Variants in CCNT2 observed in about 807,000 individuals in gnomAD.
CCNT2 encodes cyclin-T2.
CCNT2 carries 18 observed loss-of-function variants against 70.0 expected under a neutral mutation model. The observed-to-expected ratio is 0.26, with a 90% CI of 0.18 to 0.38. The LOEUF is 0.38. Among genes scored for constraint, CCNT2 ranks in the 10% least tolerant of loss-of-function variants. CCNT2 has a pLI of 1.00. For synonymous variants in CCNT2, 334 were observed against 313.3 expected, an observed-to-expected ratio of 1.07 and a Z score of -0.70; for missense variants, 734 against 890.2, an observed-to-expected ratio of 0.82 and a Z score of 2.23.
intron 2 of CCNT2, among the ~76,000 whole-genome samples, chr2:134,921,967 T>G (rs1397497711): frequency 6.6e-6 from 1 of 152,232 alleles, no homozygotes; most frequent in Admixed American, 6.5e-5. Context: ...TGTTGTCTTT[T>G]TTTACCTTTG....
At chr2:134,927,747 AACAT>A (rs1322670852) in intron 2 of CCNT2, among the ~76,000 whole-genome samples, 1 of 152,200 alleles carries the variant, frequency 6.6e-6, no homozygotes, top group Admixed American at 6.5e-5. Flanking sequence ...TTTTATTATA[AACAT>A]ACATATACAT....
intron 5 of CCNT2, chr2:134,944,656 C>CATAT: frequency 1.0e-6 from 1 of 981,790 alleles, no homozygotes; most frequent in Non-Finnish European, 1.2e-6. Flanking sequence ...GAGTACAAAC[C>CATAT]ATATATATGT....
In CCNT2 at chr2:134,934,750, C is replaced by G. The variant is rs143582245; in HGVS notation, c.241-2091C>G. On this transcript the variant is annotated intron_variant, in intron 2 of 8. Coordinates refer to ENST00000264157, the MANE Select transcript of CCNT2 (RefSeq NM_058241.3). ...GTTTAGCTGGAAAGTATTTCTTGAT[C>G]AGTGTCTTTCAGGCAAGTAAGAGAA... is the stretch of plus-strand genomic sequence containing the variant. Among the ~76,000 whole-genome samples the G allele has an allele frequency of 8.5e-5, 13 of 152,280 alleles. No homozygotes were observed. The East Asian group carries it at 2.5e-3, about 29-fold the overall frequency.
chr2:134,950,071 C>T (rs537657396), intron 7 of CCNT2, among the ~76,000 whole-genome samples: 6 of 152,140 alleles, frequency 3.9e-5, no homozygotes, highest in Non-Finnish European at 8.8e-5. Context: ...GGATTACAGG[C>T]GTGAACCACC....
At position 134,918,886 on chromosome 2, in the gene CCNT2, G is replaced by T. The variant is rs2104998642; in HGVS notation, c.32G>T (p.Trp11Leu). Residue 11 changes from tryptophan to leucine, a missense_variant, in exon 1 of 9, where the codon TGG (tryptophan) becomes TTG (leucine). By Grantham distance (61) the Trp-to-Leu change is moderately conservative (BLOSUM62 -2). Coordinates refer to ENST00000264157, the MANE Select transcript of CCNT2 (RefSeq NM_058241.3). Reference sequence around the variant, plus strand: ...TCGGGCCGTGGAGCTTCTTCTCGCTGGTTCTTTACTCGGGAACAGCTGGAG... The same window carrying T: ...TCGGGCCGTGGAGCTTCTTCTCGCTTGTTCTTTACTCGGGAACAGCTGGAG... MASGRGASSR[W>L]FFTREQLENT... The T allele has an allele frequency of 6.2e-7, 1 of 1,613,936 alleles. No homozygotes were observed. Among genetic ancestry groups the T allele is most frequent in the South Asian group, 1.1e-5 (1 of 91,062 alleles).
At chr2:134,938,307 G>T (rs1681310396) in intron 3 of CCNT2, among the ~76,000 whole-genome samples, 3 of 152,094 alleles carry the variant, frequency 2.0e-5, no homozygotes, top group Admixed American at 2.0e-4. Context: ...TTACAAAAAT[G>T]AATATAGGTA....
chr2:134,945,805 C>G (rs751229666), intron 5 of CCNT2: 2 of 1,396,660 alleles, frequency 1.4e-6, no homozygotes, highest in Non-Finnish European at 1.9e-6. Context: ...TTTATTGCAA[C>G]TTTTAGCTGA....
Position 134,954,325 on chromosome 2 carries a change from A to G in CCNT2, c.1870A>G (p.Asn624Asp), listed in dbSNP as rs1682770163. Residue 624 changes from asparagine to aspartate, a missense_variant, in exon 9 of 9, where the codon AAT becomes GAT. Asn to Asp is a conservative substitution (Grantham distance 23). This residue lies in a region of CCNT2 where 532 missense variants were observed against 556.9 expected (regional missense o/e 0.96). Transcript: ENST00000264157. Reference protein sequence around the residue: ...SSSSRKRLHVNDASHNHHSKM... With the variant: ...SSSSRKRLHVDDASHNHHSKM... Reference sequence around the variant, plus strand: ...CTCTTCAAGGAAGAGGCTGCATGTCAATGATGCATCTCACAACCACCACTC... The same window carrying G: ...CTCTTCAAGGAAGAGGCTGCATGTCGATGATGCATCTCACAACCACCACTC... 1.2e-6 allele frequency: 2 copies of G among 1,614,200 alleles called. No homozygotes were observed. The highest frequency in any genetic ancestry group is 2.2e-5 in the East Asian group (1 of 44,886).
chr2:134,926,468 G>T (rs1680308912), intron 2 of CCNT2, among the ~76,000 whole-genome samples: 1 of 152,142 alleles, frequency 6.6e-6, no homozygotes, highest in Non-Finnish European at 1.5e-5. Context: ...TCAAACTGGA[G>T]TCTTGGAAGA....
Position 134,919,025 on chromosome 2 carries a change from G to C in CCNT2, c.158+13G>C. 6.3e-7 allele frequency: 1 copy of C among 1,587,646 alleles called. No individual in the cohort carries two copies. Among genetic ancestry groups the C allele is most frequent in the Non-Finnish European group, 8.6e-7 (1 of 1,165,270 alleles). On this transcript the variant is annotated intron_variant, in intron 1 of 8. Coordinates refer to ENST00000264157, the MANE Select transcript of CCNT2 (RefSeq NM_058241.3). ...AGCGTCTCAATGTGTATCCTTTTCT[G>C]TTCGCCGCCGCTCACGCCCTGTTTC...
At position 134,957,935 on chromosome 2, in the gene CCNT2, T is replaced by C. The variant is rs1306342856; in HGVS notation, c.*3287T>C. 2 of 152,216 alleles carry C rather than the reference T, an allele frequency of 1.3e-5. No homozygotes were observed. Among genetic ancestry groups the C allele is most frequent in the African/African-American group, 4.8e-5 (2 of 41,458 alleles). 9.4% of individuals were successfully genotyped at this position (152,216 alleles called of 1,614,324 possible). ...CCTAATTTTTTTGGCCTATCCTCTTTGAACTAGAAATGACTACTTGAGGGC... is the reference window on the plus strand; with the variant it reads ...CCTAATTTTTTTGGCCTATCCTCTTCGAACTAGAAATGACTACTTGAGGGC... On this transcript the variant is annotated 3_prime_UTR_variant, in exon 9 of 9. Transcript: ENST00000264157.
chr2:134,958,478 T>A lies in CCNT2; in HGVS notation c.*3830T>A, dbSNP rs1683044417. ...GAGTTGACAGGACAATAGGTGCTAA[T>A]CTCATGTGCCCTAAGATGGACTTAT... is the stretch of plus-strand genomic sequence containing the variant. On this transcript the variant is annotated 3_prime_UTR_variant, in exon 9 of 9. Coordinates refer to ENST00000264157, the MANE Select transcript of CCNT2 (RefSeq NM_058241.3). 1 of 152,196 alleles carries A rather than the reference T, an allele frequency of 6.6e-6. No individual in the cohort carries two copies. The highest frequency in any genetic ancestry group is 1.5e-5 in the Non-Finnish European group (1 of 68,028). The allele number at this position is 152,196 out of a possible 1,614,324, so 9.4% of individuals were successfully genotyped here.
intron 2 of CCNT2, among the ~76,000 whole-genome samples, chr2:134,921,328 A>G (rs181050554): frequency 7.8e-4 from 118 of 151,784 alleles, no homozygotes; most frequent in African/African-American, 2.8e-3. Flanking sequence ...ATCTAGCCAC[A>G]AGTCTTCACT....
chr2:134,928,311 T>G (rs1680458491), intron 2 of CCNT2, among the ~76,000 whole-genome samples: 1 of 145,438 alleles, frequency 6.9e-6, no homozygotes, highest in South Asian at 2.2e-4. Context: ...GGAGTTTCAT[T>G]CTTGTTGCCC....
intron 2 of CCNT2, among the ~76,000 whole-genome samples, chr2:134,935,780 C>G (rs1225149551): frequency 6.6e-6 from 1 of 151,934 alleles, no homozygotes; most frequent in Non-Finnish European, 1.5e-5. Context: ...TCTTATATTT[C>G]TGTCCCAAGG....
intron 5 of CCNT2, chr2:134,943,948 A>C (rs1034531267): frequency 2.1e-6 from 2 of 955,976 alleles, no homozygotes; most frequent in Non-Finnish European, 2.5e-6. Context: ...AAGTATTCTC[A>C]CATTTTATTC....
At position 134,951,879 on chromosome 2, in the gene CCNT2, C is replaced by T. The variant is rs188399527; in HGVS notation, c.704-762C>T. ...TTTCCCTATTCTAGGATCCCATGTT[C>T]CATTTAGTTGACATGTCCCTTCAAG... On this transcript the variant is annotated intron_variant, in intron 7 of 8. Transcript: ENST00000264157. Among the ~76,000 whole-genome samples, 239 of 152,222 alleles carry T rather than the reference C, an allele frequency of 1.6e-3. 1 individual carries two copies. Among genetic ancestry groups the T allele is most frequent in the Middle Eastern group, 6.8e-3 (2 of 294 alleles).
At chr2:134,939,185 A>C (rs45441400) in intron 4 of CCNT2, 123 bp downstream of exon 4, 6 of 683,608 alleles carry the variant, frequency 8.8e-6, no homozygotes, top group Non-Finnish European at 1.5e-5. Context: ...GGTTTTAGAC[A>C]GAATAAGGTT....
At chr2:134,928,826 A>T (rs1368534091) in intron 2 of CCNT2, among the ~76,000 whole-genome samples, 4 of 152,162 alleles carry the variant, frequency 2.6e-5, no homozygotes, top group Non-Finnish European at 5.9e-5. Context: ...AATACCTGAG[A>T]GGGCAGGAAG....
Sources: gnomAD v4.1 joint callset for allele counts (sites outside exome capture counted in the v4.1 genomes callset) on GRCh38, gnomAD v4.1.1 for gene constraint, gnomAD v4.1.1 regional missense constraint, MANE v1.5 for transcripts, NCBI Gene and HGNC (gene_info 2026-07-23, HGNC 2026-07-21) for gene names.